Variants in STS observed in about 807,000 individuals in gnomAD.
STS encodes the protein steryl-sulfatase.
Under a neutral mutation model 26.8 loss-of-function variants are expected in STS, and 7 were observed. The observed-to-expected ratio is 0.26, with a 90% CI of 0.15 to 0.49. The LOEUF is 0.49. Ranked by LOEUF, STS falls within the 20% of genes least tolerant of loss-of-function variation. The pLI is 0.98. For missense variants in STS, 434 were observed against 465.6 expected (o/e 0.93, Z 0.63); for synonymous variants, 199 against 189.4 (o/e 1.05, Z -0.42).
At chrX:7,233,851 C>T (rs757962595) in intron 2 of STS, among the ~76,000 whole-genome samples, 1 of 111,687 alleles carries the variant, frequency 9.0e-6, no homozygotes, top group Non-Finnish European at 1.9e-5. Flanking sequence ...ATCCACTGAT[C>T]CTGGAAAATG....
intron 9 of STS, among the ~76,000 whole-genome samples, chrX:7,332,768 C>T (rs187784082): frequency 8.9e-6 from 1 of 111,895 alleles, no homozygotes; most frequent in African/African-American, 3.2e-5. Flanking sequence ...TATTTCAGGG[C>T]ACACGCTGTG....
At chrX:7,229,702 G>A (rs904255046) in intron 2 of STS, among the ~76,000 whole-genome samples, 5 of 110,873 alleles carry the variant, frequency 4.5e-5, no homozygotes, top group East Asian at 2.8e-4. Flanking sequence ...CTGATCTGCC[G>A]TGCCAGCCTA....
chrX:7,185,605 T>G (rs1459122688), intron 1 of STS, among the ~76,000 whole-genome samples: 2 of 112,420 alleles, frequency 1.8e-5, no homozygotes, highest in Non-Finnish European at 3.7e-5. Flanking sequence ...ACAAAATTCC[T>G]TGGCCATAAG....
chrX:7,283,625 T>G (rs1335156220), intron 7 of STS, among the ~76,000 whole-genome samples: 2 of 110,568 alleles, frequency 1.8e-5, no homozygotes, highest in Non-Finnish European at 3.8e-5. Flanking sequence ...ATGTGGATTT[T>G]CAGTTCAATG....
At chrX:7,314,751 G>A (rs1431243886) in intron 8 of STS, among the ~76,000 whole-genome samples, 1 of 112,421 alleles carries the variant, frequency 8.9e-6, no homozygotes, top group East Asian at 2.8e-4. Flanking sequence ...TTTTGAGATG[G>A]GCAAGATTGA....
intron 7 of STS, among the ~76,000 whole-genome samples, chrX:7,292,026 G>A (rs1925443939): frequency 8.9e-6 from 1 of 112,263 alleles, no homozygotes; most frequent in African/African-American, 3.2e-5. Context: ...AAAACCTAGA[G>A]AAAACAAGCT....
intron 1 of STS, among the ~76,000 whole-genome samples, chrX:7,188,593 C>T (rs1256033411): frequency 3.6e-5 from 4 of 111,678 alleles, no homozygotes; most frequent in African/African-American, 9.8e-5. Context: ...ATAGGCTCTT[C>T]GTGGCAGTAC....
intron 1 of STS, among the ~76,000 whole-genome samples, chrX:7,170,343 C>T (rs975480001): frequency 9.0e-6 from 1 of 111,028 alleles, no homozygotes; most frequent in East Asian, 2.8e-4. Flanking sequence ...CGGGGGGTGT[C>T]GAACAATATG....
chrX:7,287,211 G>T (rs1192499105), intron 7 of STS, among the ~76,000 whole-genome samples: 3 of 111,296 alleles, frequency 2.7e-5, no homozygotes, highest in Non-Finnish European at 5.6e-5. Context: ...GTGAGTGTGA[G>T]ATAGCATGTC....
intron 2 of STS, among the ~76,000 whole-genome samples, chrX:7,215,116 TACACAC>T (rs112212398): frequency 1.2e-5 from 1 of 80,823 alleles, no homozygotes; most frequent in African/African-American, 4.7e-5. Flanking sequence ...TACACATATA[TACACAC>T]ACACACACAC....
intron 9 of STS, among the ~76,000 whole-genome samples, chrX:7,333,404 G>T (rs1455711788): frequency 8.9e-6 from 1 of 111,845 alleles, no homozygotes; most frequent in Non-Finnish European, 1.9e-5. Context: ...TTTCATTTGG[G>T]AATAATCCGT....
intron 1 of STS, among the ~76,000 whole-genome samples, chrX:7,181,138 G>A (rs1933672634): frequency 8.9e-6 from 1 of 112,286 alleles, no homozygotes; most frequent in South Asian, 3.7e-4. Flanking sequence ...CACTTTTAAA[G>A]TTCTACACAC....
chrX:7,293,524 A>G (rs367840447), intron 7 of STS, among the ~76,000 whole-genome samples: 16 of 111,854 alleles, frequency 1.4e-4, no homozygotes, highest in African/African-American at 4.9e-4. Context: ...CATGCTTTCA[A>G]TGGCATTAAT....
Position 7,245,820 on chromosome X carries a change from G to C in STS, c.-4-7376G>C, listed in dbSNP as rs1322827402. Among the ~76,000 whole-genome samples, 3 of 111,839 alleles carry C rather than the reference G, an allele frequency of 2.7e-5. No homozygotes were observed. The Admixed American group carries it at 2.8e-4, about 11-fold the overall frequency. On this transcript the variant is annotated intron_variant, in intron 2 of 10. Transcript: ENST00000674429. ...AAGTCACATGAAAGCTGGGGATGGGGGCTGAAGATTGGCCTCTCCAAATTA... is the reference window on the plus strand; with the variant it reads ...AAGTCACATGAAAGCTGGGGATGGGCGCTGAAGATTGGCCTCTCCAAATTA...
intron 8 of STS, among the ~76,000 whole-genome samples, chrX:7,317,105 T>C (rs1225631155): frequency 1.8e-5 from 2 of 111,709 alleles, no homozygotes; most frequent in African/African-American, 6.5e-5. Context: ...CTCGCTACGC[T>C]TGCCTAGAGA....
chrX:7,259,833 G>A, intron 6 of STS, 61 bp downstream of exon 6: 1 of 1,155,484 alleles, frequency 8.7e-7, no homozygotes, highest in Non-Finnish European at 1.2e-6. Flanking sequence ...TATTTCTCGT[G>A]GAGGTGGAAG....
chrX:7,201,083 T>A (rs972790610), intron 2 of STS, among the ~76,000 whole-genome samples: 2 of 110,780 alleles, frequency 1.8e-5, no homozygotes, highest in Non-Finnish European at 3.8e-5. Context: ...GGTAGATGGA[T>A]GGATAAATAG....
chrX:7,190,647 A>T (rs192286749), intron 1 of STS, among the ~76,000 whole-genome samples: 9 of 110,095 alleles, frequency 8.2e-5, no homozygotes, highest in Admixed American at 2.9e-4. Context: ...CTGTGGTGGT[A>T]CACCTGTAGT....
chrX:7,201,017 T>C (rs1934061237), intron 2 of STS, among the ~76,000 whole-genome samples: 1 of 110,548 alleles, frequency 9.0e-6, no homozygotes, highest in Non-Finnish European at 1.9e-5. Flanking sequence ...AAATGATAGA[T>C]CGATGGATGA....
Sources: gnomAD v4.1 joint callset for allele counts (sites outside exome capture counted in the v4.1 genomes callset) on GRCh38, gnomAD v4.1.1 for gene constraint, MANE v1.5 for transcripts, NCBI Gene and HGNC (gene_info 2026-07-23, HGNC 2026-07-21) for gene names.